SNCAIP: variants seen among roughly 807,000 people sequenced by gnomAD.
SNCAIP encodes the protein synuclein alpha interacting protein.
In SNCAIP, 43 loss-of-function variants were observed where a neutral mutation model predicts 86.7. The ratio of observed to expected loss-of-function variants is 0.50; its 90% CI spans 0.39 to 0.64. The LOEUF (loss-of-function observed/expected upper bound fraction) is 0.64. Among genes scored for constraint, SNCAIP ranks in the 30% least tolerant of loss-of-function variants. The pLI, the probability that SNCAIP is intolerant of heterozygous loss-of-function variation, is 0.00. For missense variants in SNCAIP, 981 were observed against 1,103.1 expected (o/e 0.89, Z 1.57); for synonymous variants, 417 against 427.2 (o/e 0.98, Z 0.29).
In SNCAIP at chr5:122,455,877, C is replaced by T. The variant is rs180763445; in HGVS notation, c.2754+4276C>T. Among the ~76,000 whole-genome samples, 855 of 148,216 alleles carry T rather than the reference C, an allele frequency of 5.8e-3. 9 individuals are homozygous for T. Among genetic ancestry groups the T allele is most frequent in the African/African-American group, 0.022 (817 of 37,764 alleles). ...GAGCAGCATCCCCAGTGTGATTCAA[C>T]TGTAGAGGATCACTTGGTTTATAAC... On this transcript the variant is annotated intron_variant, in intron 10 of 10. Coordinates refer to ENST00000261368, the MANE Select transcript of SNCAIP (RefSeq NM_005460.4).
intron 6 of SNCAIP, among the ~76,000 whole-genome samples, chr5:122,434,983 T>A (rs1437817133): frequency 6.6e-6 from 1 of 152,182 alleles, no homozygotes; most frequent in Non-Finnish European, 1.5e-5. Flanking sequence ...TCATATAGAT[T>A]CCTAAAGAAT....
intron 6 of SNCAIP, among the ~76,000 whole-genome samples, chr5:122,438,090 C>T (rs1345534460): frequency 6.6e-6 from 1 of 152,194 alleles, no homozygotes; most frequent in Non-Finnish European, 1.5e-5. Flanking sequence ...ATCTTGAACT[C>T]CTCCAGGCTT....
chr5:122,335,573 C>T (rs535629157), intron 1 of SNCAIP, among the ~76,000 whole-genome samples: 25 of 152,260 alleles, frequency 1.6e-4, no homozygotes, highest in Admixed American at 4.6e-4. Flanking sequence ...ATCAGGTTCT[C>T]CAGGAAACAG....
At chr5:122,442,067 G>A (rs977074816) in intron 7 of SNCAIP, among the ~76,000 whole-genome samples, 2 of 146,662 alleles carry the variant, frequency 1.4e-5, no homozygotes, top group Non-Finnish European at 3.0e-5. Context: ...ATATGTTATG[G>A]TATATAACAT....
chr5:122,426,806 G>GAACTAAACTACAGGCAGCTA (rs1581178425), intron 5 of SNCAIP, among the ~76,000 whole-genome samples: 1 of 152,020 alleles, frequency 6.6e-6, no homozygotes, highest in East Asian at 1.9e-4. Flanking sequence ...AGAAAGATAA[G>GAACTAAACTACAGGCAGCTA]TCAAATGTAA....
At chr5:122,354,337 T>C (rs1370095139) in intron 1 of SNCAIP, among the ~76,000 whole-genome samples, 1 of 152,180 alleles carries the variant, frequency 6.6e-6, no homozygotes, top group African/African-American at 2.4e-5. Flanking sequence ...AGACTAATAT[T>C]CTTTATGAGA....
chr5:122,361,164 A>T (rs1207562040), intron 1 of SNCAIP, among the ~76,000 whole-genome samples: 1 of 150,700 alleles, frequency 6.6e-6, no homozygotes, highest in Non-Finnish European at 1.5e-5. Context: ...ATAATCAAAG[A>T]TAGTCATTTT....
chr5:122,430,197 A>G (rs1211473307), intron 5 of SNCAIP, among the ~76,000 whole-genome samples: 1 of 152,162 alleles, frequency 6.6e-6, no homozygotes, highest in Admixed American at 6.6e-5. Flanking sequence ...AAATAAAGAG[A>G]AACTAATCCT....
chr5:122,358,016 A>G (rs1170153957), intron 1 of SNCAIP, among the ~76,000 whole-genome samples: 1 of 152,114 alleles, frequency 6.6e-6, no homozygotes, highest in African/African-American at 2.4e-5. Flanking sequence ...TAAGAGTGGA[A>G]TGAATGAATG....
intron 1 of SNCAIP, among the ~76,000 whole-genome samples, chr5:122,339,843 C>T (rs775088758): frequency 2.6e-5 from 4 of 152,162 alleles, no homozygotes; most frequent in Admixed American, 1.3e-4. Context: ...GAATATTAAA[C>T]GACTGAATAC....
At chr5:122,344,308 T>C (rs1758174446) in intron 1 of SNCAIP, among the ~76,000 whole-genome samples, 1 of 152,220 alleles carries the variant, frequency 6.6e-6, no homozygotes, top group Non-Finnish European at 1.5e-5. Context: ...TTGAGGATAT[T>C]AAAGATCACA....
intron 10 of SNCAIP, among the ~76,000 whole-genome samples, chr5:122,457,533 C>T (rs147586199): frequency 1.1e-3 from 170 of 152,188 alleles, no homozygotes; most frequent in African/African-American, 3.8e-3. Flanking sequence ...CCAGGTGCTC[C>T]GTGGTTCCTC....
intron 1 of SNCAIP, among the ~76,000 whole-genome samples, chr5:122,333,359 G>A (rs939828419): frequency 4.6e-5 from 7 of 152,292 alleles, no homozygotes; most frequent in Admixed American, 3.3e-4. Context: ...CCTATTTGTT[G>A]GTTAGGTATT....
In SNCAIP at chr5:122,452,843, G is replaced by T. The variant is rs1783984496; in HGVS notation, c.2754+1242G>T. Reference sequence around the variant, plus strand: ...TGTCCTCTAATCTATCTATCTTCCTGCATGCTTCATGTTTACTGGGACTTG... The same window carrying T: ...TGTCCTCTAATCTATCTATCTTCCTTCATGCTTCATGTTTACTGGGACTTG... On this transcript the variant is annotated intron_variant, in intron 10 of 10. Coordinates refer to ENST00000261368, the MANE Select transcript of SNCAIP (RefSeq NM_005460.4). 4 of 848,758 alleles carry T rather than the reference G, an allele frequency of 4.7e-6. No homozygotes were observed. The Admixed American group carries it at 6.0e-5, about 13-fold the overall frequency. The allele number at this position is 848,758 out of a possible 1,614,324, so 52.6% of individuals were successfully genotyped here.
chr5:122,415,934 G>A (rs1314985957), intron 3 of SNCAIP, among the ~76,000 whole-genome samples: 1 of 152,160 alleles, frequency 6.6e-6, no homozygotes, highest in African/African-American at 2.4e-5. Context: ...TCGAAGTGAA[G>A]GTCAGCATAC....
chr5:122,313,419 G>C (rs985256412), intron 1 of SNCAIP, among the ~76,000 whole-genome samples: 1 of 152,224 alleles, frequency 6.6e-6, no homozygotes, highest in Non-Finnish European at 1.5e-5. Flanking sequence ...AGGATTACAT[G>C]TGTGCACAGT....
intron 1 of SNCAIP, among the ~76,000 whole-genome samples, chr5:122,382,637 A>C (rs1433837433): frequency 1.3e-5 from 2 of 151,838 alleles, no homozygotes; most frequent in Admixed American, 6.6e-5. Context: ...TAGAGTTTCC[A>C]GTTTTTCTGT....
At position 122,448,654 on chromosome 5, in the gene SNCAIP, ATATATAT is replaced by A. The variant is rs1172360781; in HGVS notation, c.1593-1183_1593-1177del. On this transcript the variant is annotated intron_variant, in intron 8 of 10. Coordinates refer to ENST00000261368, the MANE Select transcript of SNCAIP (RefSeq NM_005460.4). ...TATATTATATGTTATATATATTTTT[ATATATAT>A]TATATATATTATATATGTTATATAT... Among the ~76,000 whole-genome samples, 57 of 126,212 alleles carry A rather than the reference ATATATAT, an allele frequency of 4.5e-4. No homozygotes were observed. The East Asian group carries it at 0.01, about 23-fold the overall frequency. 82.8% of individuals were successfully genotyped at this position (126,212 alleles called of 152,430 possible). A position where few individuals can be genotyped will look rare whatever the true frequency, so the allele number is the denominator to read the frequency against.
At chr5:122,420,496 T>C (rs1776159962) in intron 3 of SNCAIP, among the ~76,000 whole-genome samples, 1 of 152,154 alleles carries the variant, frequency 6.6e-6, no homozygotes, top group African/African-American at 2.4e-5. Flanking sequence ...TTTCTAGAGC[T>C]TCCAAAGAAA....
Sources: allele counts gnomAD v4.1 joint callset (sites outside exome capture counted in the v4.1 genomes callset), GRCh38; gene constraint gnomAD v4.1.1; transcripts MANE v1.5; gene names NCBI Gene and HGNC (gene_info 2026-07-23, HGNC 2026-07-21).